The following EBF3 variants were observed in gnomAD, a reference collection of about 807,000 sequenced individuals.
EBF3 encodes transcription factor COE3.
Under a neutral mutation model 77.1 loss-of-function variants are expected in EBF3, and 18 were observed. The ratio of observed to expected loss-of-function variants is 0.23; its 90% CI spans 0.16 to 0.35. EBF3 has a LOEUF of 0.35. Among genes scored for constraint, EBF3 ranks in the 10% least tolerant of loss-of-function variants. The probability of loss-of-function intolerance (pLI) is 1.00; values close to 1 mark genes in which losing one functional copy is unlikely to be tolerated. For missense variants in EBF3, 558 were observed against 860.0 expected, an observed-to-expected ratio of 0.65 and a Z score of 4.39; for synonymous variants, 350 against 343.5, an observed-to-expected ratio of 1.02 and a Z score of -0.21.
At chr10:129,936,076 T>C (rs1187400357) in intron 6 of EBF3, among the ~76,000 whole-genome samples, 1 of 152,164 alleles carries the variant, frequency 6.6e-6, no homozygotes, top group African/African-American at 2.4e-5. Context: ...GCCACATCAA[T>C]TACAATTGCT....
At chr10:129,930,998 TC>T (rs746525771) in intron 6 of EBF3, among the ~76,000 whole-genome samples, 1 of 150,906 alleles carries the variant, frequency 6.6e-6, no homozygotes, top group Non-Finnish European at 1.5e-5. Flanking sequence ...CATTAACAAA[TC>T]CCCCTCTCAT....
At position 129,963,093 on chromosome 10, in the gene EBF3, C is replaced by A. The variant is rs1859652792; in HGVS notation, c.292-88G>T. 6.7e-7 allele frequency: 1 copy of A among 1,496,950 alleles called. No individual in the cohort carries two copies. Among genetic ancestry groups the A allele is most frequent in the Non-Finnish European group, 9.3e-7 (1 of 1,074,556 alleles). 92.7% of individuals were successfully genotyped at this position (1,496,950 alleles called of 1,614,324 possible). A position where few individuals can be genotyped will look rare whatever the true frequency, so the allele number is the denominator to read the frequency against. On this transcript the variant is annotated intron_variant, in intron 2 of 16. Coordinates refer to ENST00000440978, the MANE Select transcript of EBF3 (RefSeq NM_001375380.1). The surrounding 1 kb of genome is among the most constrained non-coding windows in gnomAD (Gnocchi z 7.1). ...GGTCCCCCTCCGCGACCGAGGCTCT[C>A]GGCCTCACACATGGCAGGATTCCTA...
At chr10:129,839,938 T>G (rs1425133204) in intron 15 of EBF3, among the ~76,000 whole-genome samples, 1 of 151,974 alleles carries the variant, frequency 6.6e-6, no homozygotes, top group Non-Finnish European at 1.5e-5. Flanking sequence ...TTCACCACAC[T>G]CCCGCCTTCT....
intron 6 of EBF3, among the ~76,000 whole-genome samples, chr10:129,953,618 C>T (rs934771972): frequency 6.6e-6 from 1 of 152,222 alleles, no homozygotes; most frequent in Admixed American, 6.5e-5. Context: ...GGAACCGCCC[C>T]GCCGAGCCCG....
intron 10 of EBF3, among the ~76,000 whole-genome samples, chr10:129,850,610 C>A (rs1850805577): frequency 6.6e-6 from 1 of 152,324 alleles, no homozygotes; most frequent in South Asian, 2.1e-4. Flanking sequence ...AAATCCCTTC[C>A]AGGGGCTGGG....
In EBF3 at chr10:129,879,724, A is replaced by G. The variant is rs887583361; in HGVS notation, c.555-1875T>C. Among the ~76,000 whole-genome samples the G allele has an allele frequency of 5.3e-5, 8 of 152,204 alleles. No individual in the cohort carries two copies. Among genetic ancestry groups the G allele is most frequent in the African/African-American group, 1.9e-4 (8 of 41,452 alleles). ...ATATTCCACCCACCAATTTTTCCTA[A>G]CAACCACTGTGCAATTAAACTCCAC... On this transcript the variant is annotated intron_variant, in intron 6 of 16. Transcript: ENST00000440978. This position sits in a 1 kb window ranked among gnomAD's most constrained non-coding sequence, Gnocchi z 4.7.
At chr10:129,850,543 C>T (rs531788966) in intron 10 of EBF3, among the ~76,000 whole-genome samples, 1 of 152,336 alleles carries the variant, frequency 6.6e-6, no homozygotes, top group South Asian at 2.1e-4. Context: ...GCACTGTGGG[C>T]TCCTGCCAGG....
intron 6 of EBF3, among the ~76,000 whole-genome samples, chr10:129,933,226 G>A (rs183762181): frequency 6.6e-5 from 10 of 152,204 alleles, no homozygotes; most frequent in Admixed American, 1.3e-4. Context: ...ACACACATAC[G>A]GGCACCAAGT....
intron 8 of EBF3, among the ~76,000 whole-genome samples, chr10:129,871,851 A>C (rs540895043): frequency 2.0e-5 from 3 of 152,164 alleles, no homozygotes; most frequent in Non-Finnish European, 4.4e-5. Flanking sequence ...CTAGGGTGGG[A>C]CAAGATATTT....
chr10:129,920,383 G>GA (rs776298767), intron 6 of EBF3, among the ~76,000 whole-genome samples: 1 of 151,862 alleles, frequency 6.6e-6, no homozygotes, highest in Non-Finnish European at 1.5e-5. Context: ...ATATCTGCAG[G>GA]AGGGCCACAA....
chr10:129,890,510 C>A (rs1027496694), intron 6 of EBF3, among the ~76,000 whole-genome samples: 2 of 152,240 alleles, frequency 1.3e-5, no homozygotes, highest in Non-Finnish European at 2.9e-5. Context: ...ATACTGGGCA[C>A]GGCTTTAAGG....
intron 6 of EBF3, among the ~76,000 whole-genome samples, chr10:129,914,310 G>A (rs115077430): frequency 2.5e-3 from 375 of 152,252 alleles, no homozygotes; most frequent in African/African-American, 8.1e-3. Flanking sequence ...GGGGCACGGC[G>A]TTGGGCATCA....
chr10:129,875,331 G>A (rs1376730510), intron 7 of EBF3, among the ~76,000 whole-genome samples: 2 of 151,634 alleles, frequency 1.3e-5, no homozygotes, highest in African/African-American at 2.4e-5. Context: ...CTAGTAGCTG[G>A]GATTACAAGC....
intron 6 of EBF3, among the ~76,000 whole-genome samples, chr10:129,928,335 ATT>A (rs1209195039): frequency 6.6e-5 from 10 of 152,228 alleles, no homozygotes; most frequent in Admixed American, 3.3e-4. Flanking sequence ...TATTAGTCTG[ATT>A]ATTTCCTCAC....
chr10:129,907,816 T>C (rs558337886), intron 6 of EBF3, among the ~76,000 whole-genome samples: 7 of 152,350 alleles, frequency 4.6e-5, no homozygotes, highest in South Asian at 2.1e-4. Flanking sequence ...CGTTGTCGCA[T>C]GTAAAGTGCA....
At position 129,886,405 on chromosome 10, in the gene EBF3, C is replaced by T. The variant is rs143547360; in HGVS notation, c.555-8556G>A. 5.0e-3 allele frequency among the ~76,000 whole-genome samples: 764 copies of T among 152,324 alleles called. 1 individual carries two copies. The highest frequency in any genetic ancestry group is 0.017 in the Middle Eastern group (5 of 294). ...CAAAGCCTTAACTTCATTACTCCTG[C>T]GTGTCAACATATACAAGAGAAATGT... On this transcript the variant is annotated intron_variant, in intron 6 of 16. Coordinates refer to ENST00000440978, the MANE Select transcript of EBF3 (RefSeq NM_001375380.1).
chr10:129,913,432 T>C (rs1178972123), intron 6 of EBF3, among the ~76,000 whole-genome samples: 1 of 152,212 alleles, frequency 6.6e-6, no homozygotes, highest in South Asian at 2.1e-4. Flanking sequence ...TCCAGCAGCA[T>C]CCTCTTCTTT....
intron 10 of EBF3, among the ~76,000 whole-genome samples, chr10:129,857,629 C>T (rs1360149181): frequency 6.6e-6 from 1 of 152,228 alleles, no homozygotes; most frequent in Non-Finnish European, 1.5e-5. Flanking sequence ...CCCGCAAGAC[C>T]TCAAGTCAGT....
chr10:129,941,542 C>T (rs1020095861), intron 6 of EBF3, among the ~76,000 whole-genome samples: 2 of 151,590 alleles, frequency 1.3e-5, no homozygotes, highest in South Asian at 2.1e-4. Context: ...AGAGGAGACT[C>T]GGCCACAGAC....
Sources: gnomAD v4.1 joint callset for allele counts (sites outside exome capture counted in the v4.1 genomes callset) on GRCh38, gnomAD v4.1.1 for gene constraint, Gnocchi (gnomAD v3.1) non-coding constraint, MANE v1.5 for transcripts, NCBI Gene and HGNC (gene_info 2026-07-23, HGNC 2026-07-21) for gene names.